The following MON2 variants were observed in gnomAD, a reference collection of about 807,000 sequenced individuals.
MON2 encodes the protein MON2 regulator of endosome-to-Golgi trafficking.
MON2 carries 84 observed loss-of-function variants against 208.6 expected under a neutral mutation model. The observed-to-expected ratio is 0.40, with a 90% CI of 0.34 to 0.48. The LOEUF is 0.48. MON2 is among the 20% of genes least tolerant of loss of function. MON2 has a pLI of 0.59. For synonymous variants in MON2, 660 were observed against 694.0 expected (o/e 0.95, Z 0.77); for missense variants, 1,611 against 2,015.4 (o/e 0.80, Z 3.84).
intron 19 of MON2, among the ~76,000 whole-genome samples, chr12:62,540,723 A>G (rs1489742482): frequency 2.0e-5 from 3 of 152,192 alleles, no homozygotes; most frequent in African/African-American, 7.2e-5. Context: ...TTTAGGATTT[A>G]ATTTTGTAAA....
At chr12:62,536,647 T>C (rs185394600) in intron 14 of MON2, among the ~76,000 whole-genome samples, 21 of 152,220 alleles carry the variant, frequency 1.4e-4, no homozygotes, top group Non-Finnish European at 2.8e-4. Flanking sequence ...TAATATTTGC[T>C]TAACTTGTCT....
At chr12:62,501,202 A>T (rs999341286) in intron 6 of MON2, among the ~76,000 whole-genome samples, 2 of 152,198 alleles carry the variant, frequency 1.3e-5, no homozygotes, top group Non-Finnish European at 2.9e-5. Flanking sequence ...GTATAATTTG[A>T]TACATAGATA....
chr12:62,546,621 G>C (rs907047804), intron 21 of MON2, among the ~76,000 whole-genome samples: 1 of 152,084 alleles, frequency 6.6e-6, no homozygotes, highest in Non-Finnish European at 1.5e-5. Context: ...GGGCATGGTG[G>C]TGCATGCCTG....
intron 5 of MON2, among the ~76,000 whole-genome samples, chr12:62,499,916 T>C (rs2070741841): frequency 6.6e-6 from 1 of 152,096 alleles, no homozygotes; most frequent in Non-Finnish European, 1.5e-5. Flanking sequence ...CGACTACCTT[T>C]ATTAGAATAT....
At chr12:62,590,141 T>C (rs565924716) in intron 34 of MON2, among the ~76,000 whole-genome samples, 15 of 152,226 alleles carry the variant, frequency 9.9e-5, no homozygotes, top group Admixed American at 7.8e-4. Context: ...CCCAGGCTAG[T>C]GTGCAGTGGT....
In MON2 at chr12:62,526,070, A is replaced by T; in HGVS notation, c.1368A>T (p.Thr456=). The change falls in exon 11 of 35, where the codon ACA becomes ACT. Residue 456 remains threonine (T), a synonymous_variant. Transcript: ENST00000393630. ...EYRGTWIPIL[T]ITVQGSAKAT... ...GGGGAACCTGGATACCTATTCTGAC[A>T]ATCACAGTTCAAGGCAGTGCTAAAG... 1 of 1,613,956 alleles carries T rather than the reference A, an allele frequency of 6.2e-7. No individual in the cohort carries two copies. The highest frequency in any genetic ancestry group is 2.2e-5 in the East Asian group (1 of 44,860).
intron 20 of MON2, among the ~76,000 whole-genome samples, chr12:62,544,324 T>C (rs2073381209): frequency 6.6e-6 from 1 of 152,098 alleles, no homozygotes; most frequent in African/African-American, 2.4e-5. Flanking sequence ...TATATGCTTG[T>C]GGTTCTAACT....
At position 62,534,518 on chromosome 12, in the gene MON2, CAAAAA is replaced by C. The variant is rs869145698; in HGVS notation, c.1634-306_1634-302del. The stretch of plus-strand genomic sequence containing the variant: ...TGGGCAACAGAGCAAGACTCCATCG[CAAAAA>C]AAAAAAAAAAAAAAAAAAAATATAT... On this transcript the variant is annotated intron_variant, in intron 12 of 34. Transcript: ENST00000393630. Among the ~76,000 whole-genome samples, 11 of 67,428 alleles carry C rather than the reference CAAAAA, an allele frequency of 1.6e-4. 1 individual carries two copies. Among genetic ancestry groups the C allele is most frequent in the Admixed American group, 2.5e-4 (1 of 4,038 alleles). 44.2% of individuals were successfully genotyped at this position (67,428 alleles called of 152,430 possible). A position where few individuals can be genotyped will look rare whatever the true frequency, so the allele number is the denominator to read the frequency against.
chr12:62,508,321 A>G lies in MON2; in HGVS notation c.825A>G (p.Val275=), dbSNP rs1486587991. ...TTAGTTTCCTCCTCAAAGAAAGGGT[A>G]TGTCCTCTTGTGATAAAGCTCTTTT... The part of the protein sequence containing the change: ...QEFSFLLKER[V]CPLVIKLFSP... The change falls in exon 8 of 35, where the codon GTA becomes GTG. Residue 275 remains valine (V), a synonymous_variant. Transcript: ENST00000393630. The G allele has an allele frequency of 1.9e-6, 3 of 1,614,020 alleles. No homozygotes were observed. The highest frequency in any genetic ancestry group is 3.3e-5 in the Admixed American group (2 of 60,018).
At chr12:62,527,279 AG>A (rs2072382658) in intron 11 of MON2, among the ~76,000 whole-genome samples, 1 of 152,148 alleles carries the variant, frequency 6.6e-6, no homozygotes, top group Admixed American at 6.6e-5. Flanking sequence ...GAAATGAAAC[AG>A]AGTCTTCGGC....
intron 7 of MON2, among the ~76,000 whole-genome samples, chr12:62,506,982 T>C (rs1592903274): frequency 6.6e-6 from 1 of 152,188 alleles, no homozygotes; most frequent in Non-Finnish European, 1.5e-5. Context: ...AATTAACAGG[T>C]TAAGGAGTGC....
At chr12:62,534,388 G>A (rs1298028080) in intron 12 of MON2, among the ~76,000 whole-genome samples, 4 of 149,816 alleles carry the variant, frequency 2.7e-5, no homozygotes, top group African/African-American at 9.9e-5. Context: ...GTGTGGTGGC[G>A]TGTGTCTGTA....
At chr12:62,560,340 A>G in intron 25 of MON2, 151 bp from the exon 26 acceptor site, 1 of 714,836 alleles carries the variant, frequency 1.4e-6, no homozygotes, top group South Asian at 2.6e-5. Flanking sequence ...TTTAATTCCC[A>G]TTGTTAGTAC....
chr12:62,485,997 C>T (rs550130286), intron 2 of MON2, among the ~76,000 whole-genome samples: 286 of 152,234 alleles, frequency 1.9e-3, no homozygotes, highest in African/African-American at 6.6e-3. Flanking sequence ...CCACTGCGCC[C>T]GGCCAGCATG....
chr12:62,481,773 C>T lies in MON2; in HGVS notation c.112-2397C>T, dbSNP rs530677236. On this transcript the variant is annotated intron_variant, in intron 1 of 34. Transcript: ENST00000393630. ...TTTTAGAAATAAGTCCTGGTGTATC[C>T]ATTAGGCTTCTTAGTTGTGAGCAAT... is the stretch of plus-strand genomic sequence containing the variant. 5.3e-5 allele frequency among the ~76,000 whole-genome samples: 8 copies of T among 152,034 alleles called. No homozygotes were observed. The South Asian group carries it at 1.5e-3, about 28-fold the overall frequency.
At chr12:62,589,054 A>G (rs920165149) in intron 34 of MON2, 16 of 503,446 alleles carry the variant, frequency 3.2e-5, no homozygotes, top group Non-Finnish European at 4.7e-5. Context: ...GGCTTTTCAG[A>G]CCATGTTTTG....
intron 8 of MON2, among the ~76,000 whole-genome samples, chr12:62,510,605 TC>T (rs1279017794): frequency 6.6e-6 from 1 of 152,086 alleles, no homozygotes; most frequent in East Asian, 1.9e-4. Flanking sequence ...ATAAAAACAC[TC>T]AACAAACTAG....
At chr12:62,490,965 A>G (rs2070096488) in intron 2 of MON2, among the ~76,000 whole-genome samples, 1 of 152,074 alleles carries the variant, frequency 6.6e-6, no homozygotes, top group African/African-American at 2.4e-5. Context: ...TCACCTTTTA[A>G]CATCCCCTGA....
chr12:62,520,558 T>C (rs2071972501), intron 8 of MON2, among the ~76,000 whole-genome samples: 1 of 152,128 alleles, frequency 6.6e-6, no homozygotes, highest in Non-Finnish European at 1.5e-5. Context: ...CAGCTATGCT[T>C]TTCTTCCAAC....
Sources: gnomAD v4.1 joint callset for allele counts (sites outside exome capture counted in the v4.1 genomes callset) on GRCh38, gnomAD v4.1.1 for gene constraint, MANE v1.5 for transcripts, NCBI Gene and HGNC (gene_info 2026-07-23, HGNC 2026-07-21) for gene names.